The following OPCML variants were observed in gnomAD, a reference collection of about 807,000 sequenced individuals.
OPCML encodes opioid binding protein/cell adhesion molecule like.
Under a neutral mutation model 37.8 loss-of-function variants are expected in OPCML, and 13 were observed. The observed-to-expected ratio is 0.34, with a 90% confidence interval of 0.22 to 0.55. The LOEUF is 0.55. OPCML is among the 20% of genes least tolerant of loss of function. The pLI is 0.91. For synonymous variants in OPCML, 176 were observed against 168.8 expected, an observed-to-expected ratio of 1.04 and a Z score of -0.33; for missense variants, 341 against 435.6, an observed-to-expected ratio of 0.78 and a Z score of 1.93.
rs891662499 is a variant in OPCML at position 132,560,798 on chromosome 11, G to T, written c.380-31612C>A. On this transcript the variant is annotated intron_variant, in intron 3 of 7. Coordinates refer to ENST00000524381, the MANE Select transcript of OPCML (RefSeq NM_001012393.5). ...GGATTGTTTTTTTCTTGAGTTCTTT[G>T]TACATTCTGGTTGTTAGTTGTTTGT... Among the ~76,000 whole-genome samples the T allele has an allele frequency of 2.0e-5, 3 of 151,994 alleles. No homozygotes were observed. The South Asian group carries it at 6.2e-4, about 32-fold the overall frequency.
intron 1 of OPCML, among the ~76,000 whole-genome samples, chr11:133,374,712 T>A (rs1944759985): frequency 6.6e-6 from 1 of 152,208 alleles, no homozygotes; most frequent in South Asian, 2.1e-4. Context: ...ACAGTTCCAA[T>A]CAAAAGTTTT....
intron 2 of OPCML, among the ~76,000 whole-genome samples, chr11:132,940,869 A>G (rs1029797970): frequency 1.3e-5 from 2 of 152,232 alleles, no homozygotes; most frequent in African/African-American, 4.8e-5. Flanking sequence ...GATAAAAATG[A>G]AGGAAGAAAA....
At chr11:133,045,680 G>A (rs534243104) in intron 1 of OPCML, among the ~76,000 whole-genome samples, 1 of 152,292 alleles carries the variant, frequency 6.6e-6, no homozygotes, top group East Asian at 1.9e-4. Context: ...CCTGTCATCG[G>A]GCTTCACGTT....
At chr11:132,648,058 T>G (rs1298158509) in intron 3 of OPCML, among the ~76,000 whole-genome samples, 9 of 152,180 alleles carry the variant, frequency 5.9e-5, no homozygotes, top group Admixed American at 5.9e-4. Context: ...CAAGTGAGAC[T>G]CTCCAAATCT....
intron 3 of OPCML, among the ~76,000 whole-genome samples, chr11:132,562,660 G>T (rs1056119094): frequency 4.0e-5 from 6 of 151,718 alleles, no homozygotes; most frequent in African/African-American, 1.5e-4. Flanking sequence ...AAATAAAGAG[G>T]ACTGAGAGGA....
intron 1 of OPCML, among the ~76,000 whole-genome samples, chr11:133,455,407 G>C (rs1478902288): frequency 6.6e-6 from 1 of 152,062 alleles, no homozygotes; most frequent in Non-Finnish European, 1.5e-5. Context: ...GCAGTTTGGG[G>C]GTTCTTTTTG....
chr11:133,008,489 A>T, intron 1 of OPCML: 1 of 901,600 alleles, frequency 1.1e-6, no homozygotes, highest in Non-Finnish European at 1.3e-6. Context: ...GGGAGAGAAG[A>T]ACGTATTTCT....
chr11:133,414,463 T>A (rs1945717740), intron 1 of OPCML, among the ~76,000 whole-genome samples: 1 of 152,308 alleles, frequency 6.6e-6, no homozygotes, highest in Non-Finnish European at 1.5e-5. Context: ...TCCCATCATG[T>A]ATCAGACCGA....
intron 1 of OPCML, among the ~76,000 whole-genome samples, chr11:133,285,169 A>C (rs1007908541): frequency 1.3e-5 from 2 of 152,188 alleles, no homozygotes; most frequent in African/African-American, 4.8e-5. Context: ...GGGGTGAGTC[A>C]AGCAAGGTGT....
chr11:133,024,680 T>C (rs1425420463), intron 1 of OPCML: 5 of 844,484 alleles, frequency 5.9e-6, no homozygotes, highest in Non-Finnish European at 7.1e-6. Flanking sequence ...GTTTGGTCTA[T>C]GAAAGTGGTG....
intron 1 of OPCML, among the ~76,000 whole-genome samples, chr11:133,432,849 C>G (rs1946153263): frequency 6.6e-6 from 1 of 151,998 alleles, no homozygotes; most frequent in Non-Finnish European, 1.5e-5. Context: ...ATATACCATG[C>G]AAAATACTAA....
At chr11:132,441,650 A>C (rs2096035930) in intron 4 of OPCML, among the ~76,000 whole-genome samples, 1 of 152,264 alleles carries the variant, frequency 6.6e-6, no homozygotes, top group Non-Finnish European at 1.5e-5. Context: ...TGGAAGCAAC[A>C]GAAAGCAGAT....
intron 1 of OPCML, among the ~76,000 whole-genome samples, chr11:133,489,127 G>A (rs1255665215): frequency 2.6e-5 from 4 of 151,960 alleles, no homozygotes; most frequent in Non-Finnish European, 5.9e-5. Flanking sequence ...AAAAATCCTA[G>A]AAGAAAGCCT....
At chr11:133,176,551 T>G (rs1192315326) in intron 1 of OPCML, among the ~76,000 whole-genome samples, 1 of 152,098 alleles carries the variant, frequency 6.6e-6, no homozygotes, top group African/African-American at 2.4e-5. Flanking sequence ...TGAATGGTTT[T>G]ACACCATCCT....
chr11:133,165,736 G>A (rs1490801560), intron 1 of OPCML, among the ~76,000 whole-genome samples: 1 of 152,100 alleles, frequency 6.6e-6, no homozygotes, highest in Non-Finnish European at 1.5e-5. Flanking sequence ...TGCGCTGGCA[G>A]GCCCTCTCTC....
At chr11:133,022,624 C>A (rs529657081) in intron 1 of OPCML, among the ~76,000 whole-genome samples, 2 of 152,144 alleles carry the variant, frequency 1.3e-5, no homozygotes, top group Non-Finnish European at 2.9e-5. Flanking sequence ...GCCACCCAAC[C>A]AAGGTGGAAC....
At chr11:133,098,489 A>G (rs1432910988) in intron 1 of OPCML, among the ~76,000 whole-genome samples, 2 of 152,168 alleles carry the variant, frequency 1.3e-5, no homozygotes, top group Non-Finnish European at 2.9e-5. Flanking sequence ...TGCTGGGATT[A>G]CAGGTGTGAG....
intron 1 of OPCML, among the ~76,000 whole-genome samples, chr11:133,115,264 C>A (rs1949314577): frequency 6.6e-6 from 1 of 152,180 alleles, no homozygotes; most frequent in African/African-American, 2.4e-5. Context: ...CTTCAGGTTA[C>A]CAGAGGACTG....
intron 2 of OPCML, among the ~76,000 whole-genome samples, chr11:132,727,860 C>G (rs7951156): frequency 0.25 from 37,522 of 152,174 alleles, 5,346 homozygotes; most frequent in Non-Finnish European, 0.32. Flanking sequence ...GACAGCTCAG[C>G]AGTGGCAAGG....
Sources: allele counts gnomAD v4.1 joint callset (sites outside exome capture counted in the v4.1 genomes callset), GRCh38; gene constraint gnomAD v4.1.1; transcripts MANE v1.5; gene names NCBI Gene and HGNC (gene_info 2026-07-23, HGNC 2026-07-21).